The following OXSR1 variants were observed in gnomAD, a reference collection of about 807,000 sequenced individuals.
OXSR1 encodes oxidative stress responsive kinase 1.
Under a neutral mutation model 79.8 loss-of-function variants are expected in OXSR1, and 24 were observed. The ratio of observed to expected loss-of-function variants is 0.30; its 90% confidence interval spans 0.22 to 0.42. The LOEUF is 0.42. OXSR1 is among the 10% of genes least tolerant of loss of function. The probability of loss-of-function intolerance (pLI) is 1.00; values close to 1 mark genes in which losing one functional copy is unlikely to be tolerated. For synonymous variants in OXSR1, 226 were observed against 209.2 expected (o/e 1.08, Z -0.69); for missense variants, 430 against 618.4 (o/e 0.70, Z 3.23).
chr3:38,245,446 G>A (rs1703120476), intron 12 of OXSR1, among the ~76,000 whole-genome samples: 1 of 152,100 alleles, frequency 6.6e-6, no homozygotes, highest in African/African-American at 2.4e-5. Flanking sequence ...GATATGTTAA[G>A]GAATTATTGG....
In OXSR1 at chr3:38,178,292, G is replaced by A. The variant is rs572023205; in HGVS notation, c.71-4711G>A. Among the ~76,000 whole-genome samples, 5 of 152,152 alleles carry A rather than the reference G, an allele frequency of 3.3e-5. No individual in the cohort carries two copies. In the South Asian group the frequency reaches 1.0e-3, roughly 32 times the overall value. On this transcript the variant is annotated intron_variant, in intron 1 of 17. Transcript: ENST00000311806. ...CTTAGTTTGTCAGAACTGTGATTTG[G>A]ATTTATTCATGTTGGTGTTGTATGT... is the stretch of plus-strand genomic sequence containing the variant.
chr3:38,174,281 C>G (rs977130529), intron 1 of OXSR1, among the ~76,000 whole-genome samples: 2 of 152,094 alleles, frequency 1.3e-5, no homozygotes, highest in Non-Finnish European at 2.9e-5. Flanking sequence ...ACCTGACTTT[C>G]GTTTTAAAAC....
At chr3:38,208,059 T>C (rs1702304919) in intron 4 of OXSR1, among the ~76,000 whole-genome samples, 1 of 151,760 alleles carries the variant, frequency 6.6e-6, no homozygotes. Flanking sequence ...ACTGAGGTAA[T>C]TAATTGAATT....
intron 1 of OXSR1, among the ~76,000 whole-genome samples, chr3:38,180,681 C>T (rs186284145): frequency 0.02 from 2,974 of 151,908 alleles, 43 homozygotes; most frequent in Non-Finnish European, 0.028. Context: ...TAAGTGCACA[C>T]CACCACGCCC....
At chr3:38,205,253 C>T (rs1413321923) in intron 4 of OXSR1, among the ~76,000 whole-genome samples, 2 of 152,188 alleles carry the variant, frequency 1.3e-5, no homozygotes, top group Non-Finnish European at 2.9e-5. Flanking sequence ...ACTGTGATCA[C>T]TCACCTGAGT....
At chr3:38,217,386 G>T (rs771426636) in intron 5 of OXSR1, among the ~76,000 whole-genome samples, 14 of 152,120 alleles carry the variant, frequency 9.2e-5, no homozygotes, top group Non-Finnish European at 2.1e-4. Flanking sequence ...TTGCTCCTAG[G>T]TGTATAGCCC....
chr3:38,201,961 A>T (rs375665005), intron 4 of OXSR1, among the ~76,000 whole-genome samples: 2 of 152,232 alleles, frequency 1.3e-5, no homozygotes, highest in African/African-American at 4.8e-5. Flanking sequence ...AACTTGTAGA[A>T]CAAAGGGACA....
At chr3:38,217,221 A>G (rs1702499018) in intron 5 of OXSR1, among the ~76,000 whole-genome samples, 1 of 152,246 alleles carries the variant, frequency 6.6e-6, no homozygotes, top group Non-Finnish European at 1.5e-5. Flanking sequence ...ACATTGTGAT[A>G]ACACGTTAAA....
intron 4 of OXSR1, among the ~76,000 whole-genome samples, chr3:38,213,243 A>G (rs368054555): frequency 9.2e-5 from 14 of 152,304 alleles, no homozygotes; most frequent in East Asian, 3.9e-4. Flanking sequence ...ATTTGATAGT[A>G]TGTCTTTCCT....
intron 14 of OXSR1, among the ~76,000 whole-genome samples, chr3:38,248,885 T>A (rs1703198622): frequency 6.6e-6 from 1 of 152,128 alleles, no homozygotes; most frequent in South Asian, 2.1e-4. Flanking sequence ...CACTCTTCGG[T>A]ACTGTGGAAA....
Position 38,165,649 on chromosome 3 carries a change from T to C in OXSR1, c.-228T>C, listed in dbSNP as rs1004192119. ...ACAGGACGTGGGCTGGGCCGGGCAG[T>C]GCCGGACTCGGAGGAGCAGGAGGCG... On this transcript the variant is annotated 5_prime_UTR_variant, in exon 1 of 18. Coordinates refer to ENST00000311806, the MANE Select transcript of OXSR1 (RefSeq NM_005109.3). 1.9e-6 allele frequency: 1 copy of C among 519,448 alleles called. No homozygotes were observed. The highest frequency in any genetic ancestry group is 3.4e-6 in the Non-Finnish European group (1 of 294,932). The allele number at this position is 519,448 out of a possible 1,614,324, so 32.2% of individuals were successfully genotyped here.
chr3:38,189,629 A>G (rs1029911551), intron 2 of OXSR1, among the ~76,000 whole-genome samples: 5 of 152,214 alleles, frequency 3.3e-5, no homozygotes, highest in Non-Finnish European at 7.3e-5. Context: ...GGCATAGGGC[A>G]GGTACATTAA....
chr3:38,193,439 A>G lies in OXSR1; in HGVS notation c.292+2600A>G, dbSNP rs1278792333. 3.2e-6 allele frequency: 4 copies of G among 1,248,372 alleles called. No individual in the cohort carries two copies. The African/African-American group carries it at 6.1e-5, about 19-fold the overall frequency. The allele number at this position is 1,248,372 out of a possible 1,614,324, so 77.3% of individuals were successfully genotyped here. Reference sequence around the variant, plus strand: ...ATTAGGTAATACTGTATCTTTCGTTATTGATCACCTATAGCATAATTTTCT... The same window carrying G: ...ATTAGGTAATACTGTATCTTTCGTTGTTGATCACCTATAGCATAATTTTCT... On this transcript the variant is annotated intron_variant, in intron 3 of 17. Transcript: ENST00000311806.
intron 7 of OXSR1, among the ~76,000 whole-genome samples, chr3:38,224,304 G>A (rs1398273995): frequency 6.6e-6 from 1 of 152,178 alleles, no homozygotes; most frequent in Non-Finnish European, 1.5e-5. Flanking sequence ...CATCCATGTT[G>A]TAGCATGTTG....
intron 4 of OXSR1, among the ~76,000 whole-genome samples, chr3:38,212,688 G>A (rs1378810457): frequency 6.6e-6 from 1 of 152,160 alleles, no homozygotes; most frequent in East Asian, 1.9e-4. Context: ...AATTTTAGAA[G>A]GAGTGTGTAA....
intron 10 of OXSR1, among the ~76,000 whole-genome samples, chr3:38,234,461 GATAC>G (rs1349853043): frequency 2.4e-4 from 37 of 152,214 alleles, no homozygotes; most frequent in African/African-American, 8.4e-4. Flanking sequence ...ACTTCTTGAA[GATAC>G]ATAAATGGCC....
At chr3:38,193,386 TTC>T (rs1228163226) in intron 3 of OXSR1, 1 of 1,288,820 alleles carries the variant, frequency 7.8e-7, no homozygotes, top group East Asian at 5.5e-5. Flanking sequence ...TCAAGCATGG[TTC>T]TTTCAGTATG....
intron 8 of OXSR1, 25 bp from the exon 9 acceptor site, chr3:38,229,662 T>C (rs367882129): frequency 6.3e-7 from 1 of 1,599,758 alleles, no homozygotes; most frequent in East Asian, 2.2e-5. Flanking sequence ...ATAAAAACTT[T>C]TCTTCCCTCC....
Position 38,183,083 on chromosome 3 carries a change from G to A in OXSR1, c.151G>A (p.Glu51Lys). ...EKVAIKRINL[E>K]KCQTSMDELL... ...AGTGGCAATCAAACGGATAAACCTT[G>A]AGAAATGTCAAACTAGCATGGATGA... Residue 51 changes from glutamate (E) to lysine (K), a missense_variant, in exon 2 of 18, where the codon GAG (glutamate) becomes AAG (lysine). By Grantham distance (56) the Glu-to-Lys change is moderately conservative. Around this residue, in one of 3 missense-constraint regions of OXSR1, gnomAD observed 145 missense variants for 228.3 expected, o/e 0.64. Coordinates refer to ENST00000311806, the MANE Select transcript of OXSR1 (RefSeq NM_005109.3). The A allele has an allele frequency of 1.9e-6, 3 of 1,611,516 alleles. No individual in the cohort carries two copies. Among genetic ancestry groups the A allele is most frequent in the Non-Finnish European group, 2.5e-6 (3 of 1,178,374 alleles).
Sources: allele counts gnomAD v4.1 joint callset (sites outside exome capture counted in the v4.1 genomes callset), GRCh38; gene constraint gnomAD v4.1.1; regional missense constraint gnomAD v4.1.1; transcripts MANE v1.5; gene names NCBI Gene and HGNC (gene_info 2026-07-23, HGNC 2026-07-21).